The following TNNT1 variants were observed in gnomAD, a reference collection of about 807,000 sequenced individuals.
TNNT1 encodes the protein troponin T, slow skeletal muscle.
TNNT1 carries 53 observed loss-of-function variants against 50.6 expected under a neutral mutation model. That is an observed-to-expected ratio of 1.05 (90% confidence interval 0.84 to 1.32). The LOEUF is 1.32. Ranked by LOEUF, TNNT1 falls within the 40% of genes most tolerant of loss-of-function variation. The probability of loss-of-function intolerance (pLI) is 0.00; values close to 1 mark genes in which losing one functional copy is unlikely to be tolerated. For synonymous variants in TNNT1, 142 were observed against 138.0 expected (o/e 1.03, Z -0.20); for missense variants, 348 against 381.7 (o/e 0.91, Z 0.74).
intron 13 of TNNT1, chr19:55,133,604 G>T: frequency 1.9e-6 from 1 of 515,602 alleles, no homozygotes. Context: ...CTTGAACCCG[G>T]GAGATGGAAG....
At chr19:55,137,476 C>T (rs1371084904) in intron 10 of TNNT1, among the ~76,000 whole-genome samples, 3 of 150,672 alleles carry the variant, frequency 2.0e-5, no homozygotes, top group South Asian at 2.1e-4. Context: ...AGTCTGGCCC[C>T]CAGCCCCTCC....
intron 6 of TNNT1, 73 bp from the exon 7 acceptor site, chr19:55,141,993 C>T (rs752806847): frequency 7.9e-6 from 12 of 1,513,414 alleles, no homozygotes; most frequent in Middle Eastern, 1.8e-4. Flanking sequence ...CGGGATGTGC[C>T]GTCCAGTGAG....
intron 6 of TNNT1, among the ~76,000 whole-genome samples, chr19:55,143,598 G>A (rs1302116177): frequency 1.3e-5 from 2 of 152,080 alleles, no homozygotes; most frequent in Non-Finnish European, 1.5e-5. Flanking sequence ...CCATCAGGGC[G>A]TCATGTGTGG....
At chr19:55,136,962 G>A (rs2085355357) in intron 11 of TNNT1, 141 bp downstream of exon 11, 1 of 620,022 alleles carries the variant, frequency 1.6e-6, no homozygotes, top group Non-Finnish European at 2.9e-6. Context: ...GAGGCCCAGA[G>A]AGGGGAAGCC....
At chr19:55,144,109 C>T (rs2147262032) in intron 6 of TNNT1, among the ~76,000 whole-genome samples, 1 of 137,090 alleles carries the variant, frequency 7.3e-6, no homozygotes, top group East Asian at 2.2e-4. Context: ...ACTCTTGTTG[C>T]CCAGGCTGCC....
intron 11 of TNNT1, among the ~76,000 whole-genome samples, chr19:55,135,147 G>A (rs1054889778): frequency 3.9e-5 from 6 of 152,108 alleles, no homozygotes; most frequent in Non-Finnish European, 8.8e-5. Context: ...CTACTCAGAC[G>A]AAAGCAGGTC....
intron 1 of TNNT1, among the ~76,000 whole-genome samples, chr19:55,147,833 G>A (rs529749512): frequency 1.3e-5 from 2 of 150,214 alleles, no homozygotes; most frequent in South Asian, 4.2e-4. Context: ...CTGGGGCCTG[G>A]ACTCCTGGAT....
chr19:55,137,010 G>A (rs548815774), intron 11 of TNNT1, 93 bp downstream of exon 11: 57 of 789,648 alleles, frequency 7.2e-5, no homozygotes, highest in African/African-American at 4.8e-4. Context: ...GCTGAGACCC[G>A]GAGTATCTGC....
chr19:55,147,344 GC>G (rs1478897210), intron 1 of TNNT1, 176 bp from the exon 2 acceptor site: 1 of 605,126 alleles, frequency 1.7e-6, no homozygotes, highest in African/African-American at 2.4e-5. Flanking sequence ...AGGAGCTGGG[GC>G]CTGGACTCCT....
At chr19:55,140,016 C>A (rs2147251716) in intron 9 of TNNT1, among the ~76,000 whole-genome samples, 1 of 151,756 alleles carries the variant, frequency 6.6e-6, no homozygotes. Context: ...CCCAGCTACT[C>A]AGGAGGCTGA....
intron 10 of TNNT1, 119 bp from the exon 11 acceptor site, chr19:55,137,331 C>A (rs1291186190): frequency 4.3e-6 from 3 of 705,320 alleles, no homozygotes; most frequent in Non-Finnish European, 7.5e-6. Context: ...CAGGTCTGCA[C>A]CCCAGGCCCA....
intron 10 of TNNT1, among the ~76,000 whole-genome samples, 165 bp from the exon 11 acceptor site, chr19:55,137,377 C>T (rs1014524069): frequency 2.0e-5 from 3 of 151,948 alleles, no homozygotes; most frequent in Admixed American, 6.6e-5. Flanking sequence ...CCCACTCCCT[C>T]CTCCCTCAGA....
At chr19:55,146,973 C>T (rs1302402422) in intron 3 of TNNT1, 35 bp downstream of exon 3, 2 of 1,584,132 alleles carry the variant, frequency 1.3e-6, no homozygotes, top group South Asian at 2.3e-5. Flanking sequence ...CTGGGCGTGT[C>T]CCCATCCCAT....
Position 55,145,571 on chromosome 19 carries a change from G to T in TNNT1, c.107-6C>A. 1 of 1,613,536 alleles carries T rather than the reference G, an allele frequency of 6.2e-7. No homozygotes were observed. Among genetic ancestry groups the T allele is most frequent in the Non-Finnish European group, 8.5e-7 (1 of 1,179,740 alleles). The stretch of plus-strand genomic sequence containing the variant: ...TGGTTTGGGGCGTTCCTCTTCTGTT[G>T]GTGGTGGGGGATAAAAAGAGATAAT... On this transcript the variant is annotated splice_region_variant and splice_polypyrimidine_tract_variant and intron_variant, in intron 5 of 13. Transcript: ENST00000588981.
chr19:55,137,159 G>C lies in TNNT1; in HGVS notation c.555C>G (p.Ile185Met). 1 of 1,613,342 alleles carries C rather than the reference G, an allele frequency of 6.2e-7. No individual in the cohort carries two copies. Among genetic ancestry groups the C allele is most frequent in the Non-Finnish European group, 8.5e-7 (1 of 1,179,814 alleles). The change falls in exon 11 of 14, where the codon ATC (isoleucine) becomes ATG (methionine). Residue 185 changes from isoleucine to methionine, a missense_variant. Ile to Met is a conservative substitution (Grantham distance 10). Coordinates refer to ENST00000588981, the MANE Select transcript of TNNT1 (RefSeq NM_003283.6). Reference sequence around the variant, plus strand: ...CCAGAGGCTTCTTACGCTCGGAGAGGATGCGCACCTTCATCTCCCGCCCCG... The same window carrying C: ...CCAGAGGCTTCTTACGCTCGGAGAGCATGCGCACCTTCATCTCCCGCCCCG... ...RQTGREMKVR[I>M]LSERKKPLDI...
intron 9 of TNNT1, among the ~76,000 whole-genome samples, 178 bp from the exon 10 acceptor site, chr19:55,138,252 G>C (rs941582067): frequency 6.6e-6 from 1 of 151,400 alleles, no homozygotes; most frequent in Non-Finnish European, 1.5e-5. Flanking sequence ...GTCTCCCCGT[G>C]TGACCACCTA....
rs748222508 is a variant in TNNT1, at chr19:55,134,200, G to A, written c.616C>T (p.Arg206Trp). 11 of 1,571,406 alleles carry A rather than the reference G, an allele frequency of 7.0e-6. No homozygotes were observed. Among genetic ancestry groups the A allele is most frequent in the East Asian group, 2.3e-5 (1 of 43,326 alleles). The stretch of plus-strand genomic sequence containing the variant: ...TGTGATGGAGGCAGCCAGGCAGACC[G>A]GGCCCTAGGCCCAGGGACGGAGAGG... ...DYMGEEQLRA[R>W]SAWLPPSQPS... The change falls in exon 12 of 14, where the codon CGG (arginine) becomes TGG (tryptophan). Residue 206 changes from arginine to tryptophan, a missense_variant. Arg to Trp is a moderately radical substitution (Grantham distance 101, BLOSUM62 -3). This residue lies in a region of TNNT1 where 253 missense variants were observed against 291.8 expected (regional missense o/e 0.87). Transcript: ENST00000588981.
chr19:55,133,721 A>C (rs373205255), intron 13 of TNNT1, 166 bp downstream of exon 13: 13 of 759,886 alleles, frequency 1.7e-5, no homozygotes, highest in African/African-American at 1.1e-4. Flanking sequence ...AGGAACTGAG[A>C]CCCAGGATTC....
chr19:55,137,889 G>A (rs1230545043), intron 10 of TNNT1, 72 bp downstream of exon 10: 8 of 1,574,014 alleles, frequency 5.1e-6, no homozygotes, highest in Admixed American at 1.7e-5. Flanking sequence ...TCCTCCGTTA[G>A]GAACCAGAGG....
Sources: allele counts gnomAD v4.1 joint callset (sites outside exome capture counted in the v4.1 genomes callset), GRCh38; gene constraint gnomAD v4.1.1; regional missense constraint gnomAD v4.1.1; transcripts MANE v1.5; gene names NCBI Gene and HGNC (gene_info 2026-07-23, HGNC 2026-07-21).